The following HSD17B4 variants were observed in gnomAD, a reference collection of about 807,000 sequenced individuals.
HSD17B4 encodes hydroxysteroid 17-beta dehydrogenase 4, also known as peroxisomal multifunctional enzyme type 2.
Under a neutral mutation model 101.0 loss-of-function variants are expected in HSD17B4, and 70 were observed. That is an observed-to-expected ratio of 0.69 (90% CI 0.57 to 0.85). The LOEUF is 0.85. HSD17B4 is among the 40% of genes least tolerant of loss of function. HSD17B4 has a pLI of 0.00. For synonymous variants in HSD17B4, 347 were observed against 297.1 expected (o/e 1.17, Z -1.73); for missense variants, 984 against 892.4 (o/e 1.10, Z -1.31).
chr5:119,471,818 G>C, intron 2 of HSD17B4: 1 of 571,382 alleles, frequency 1.8e-6, no homozygotes, highest in Non-Finnish European at 3.0e-6. Context: ...AATTAACTTT[G>C]ATATTTGTTC....
intron 11 of HSD17B4, among the ~76,000 whole-genome samples, chr5:119,494,317 TTTC>T (rs199543690): frequency 1.4e-5 from 2 of 146,580 alleles, no homozygotes; most frequent in African/African-American, 5.0e-5. Context: ...TCTTCCTTTC[TTTC>T]TTTCTTTTCT....
In HSD17B4 at chr5:119,493,527, T is replaced by A. The variant is rs79701262; in HGVS notation, c.740-291T>A. 39,563 of 344,714 alleles carry A rather than the reference T, an allele frequency of 0.11. 2,624 individuals carry two copies. The highest frequency in any genetic ancestry group is 0.15 in the South Asian group (5,691 of 38,540). The allele number at this position is 344,714 out of a possible 1,614,324, so 21.4% of individuals were successfully genotyped here. A position where few individuals can be genotyped will look rare whatever the true frequency, so the allele number is the denominator to read the frequency against. On this transcript the variant is annotated intron_variant, in intron 10 of 23. Transcript: ENST00000510025. ...TGAAGTCAGTCTTTTGATGTGATTA[T>A]TATATAATTAAACTTTTTCACATAC...
chr5:119,461,363 A>C (rs1755218125), intron 2 of HSD17B4, among the ~76,000 whole-genome samples: 1 of 152,234 alleles, frequency 6.6e-6, no homozygotes, highest in Non-Finnish European at 1.5e-5. Context: ...AGTGCTCAAA[A>C]AAATGTAGAC....
intron 22 of HSD17B4, 161 bp from the exon 23 acceptor site, chr5:119,536,262 C>A: frequency 1.5e-6 from 1 of 685,842 alleles, no homozygotes; most frequent in Non-Finnish European, 2.5e-6. Flanking sequence ...TGCTTTTTTT[C>A]TAAATGACAG....
Position 119,536,452 on chromosome 5 carries a change from G to C in HSD17B4, c.2023G>C (p.Val675Leu), listed in dbSNP as rs1754544540. 6.2e-7 allele frequency: 1 copy of C among 1,612,318 alleles called. No individual in the cohort carries two copies. The highest frequency in any genetic ancestry group is 1.3e-5 in the African/African-American group (1 of 74,848). Residue 675 changes from valine (V) to leucine (L), a missense_variant, in exon 23 of 24, where the codon GTG (valine) becomes CTG (leucine). By Grantham distance (32) the Val-to-Leu change is conservative. Coordinates refer to ENST00000510025, the MANE Select transcript of HSD17B4 (RefSeq NM_000414.4). The part of the protein sequence containing the change: ...TIDLKSGSGK[V>L]YQGPAKGAAD... ...TGACCTGAAAAGTGGTTCTGGAAAA[G>C]TGTACCAAGGCCCTGCAAAAGGTGC...
At chr5:119,531,029 A>G (rs1455155050) in intron 21 of HSD17B4, among the ~76,000 whole-genome samples, 1 of 151,930 alleles carries the variant, frequency 6.6e-6, no homozygotes, top group Admixed American at 6.6e-5. Flanking sequence ...TCCAGTTCCT[A>G]TTTTTCTTTT....
chr5:119,457,211 G>C (rs1347858103), intron 2 of HSD17B4, among the ~76,000 whole-genome samples: 3 of 152,206 alleles, frequency 2.0e-5, no homozygotes, highest in African/African-American at 4.8e-5. Context: ...GCTAAGTGCA[G>C]GGGGATATGT....
rs114154407 is a variant in HSD17B4, at chr5:119,460,219, A to G, written c.112+3851A>G. On this transcript the variant is annotated intron_variant, in intron 2 of 23. Coordinates refer to ENST00000510025, the MANE Select transcript of HSD17B4 (RefSeq NM_000414.4). ...CTGTCACATCAGGGATTAAATTTCA[A>G]TGTGAGTTTTGGAGGGGCTAAATAT... Among the ~76,000 whole-genome samples the G allele has an allele frequency of 3.6e-3, 541 of 152,274 alleles. 3 individuals are homozygous for G. The highest frequency in any genetic ancestry group is 0.012 in the African/African-American group (498 of 41,552).
intron 2 of HSD17B4, among the ~76,000 whole-genome samples, chr5:119,460,037 A>AT (rs56336192): frequency 0.014 from 2,096 of 147,000 alleles, 18 homozygotes; most frequent in African/African-American, 0.026. Flanking sequence ...TGCCCAGCTA[A>AT]TTTTTTTTTT....
intron 8 of HSD17B4, among the ~76,000 whole-genome samples, chr5:119,483,567 C>T (rs1749339929): frequency 6.6e-6 from 1 of 152,052 alleles, no homozygotes; most frequent in Non-Finnish European, 1.5e-5. Flanking sequence ...TTACCTTATT[C>T]ATGTTCCATA....
chr5:119,478,034 A>T (rs1239453576), intron 7 of HSD17B4: 1 of 164,926 alleles, frequency 6.1e-6, no homozygotes, highest in Admixed American at 5.7e-5. Context: ...GATAGTATAC[A>T]CATTGAGGAT....
chr5:119,476,940 G>C (rs951913992), intron 6 of HSD17B4, among the ~76,000 whole-genome samples: 1 of 152,112 alleles, frequency 6.6e-6, no homozygotes, highest in Non-Finnish European at 1.5e-5. Context: ...TGGTCTGTTC[G>C]TTAGATTGAA....
At chr5:119,540,741 T>C (rs1373566408) in intron 23 of HSD17B4, among the ~76,000 whole-genome samples, 1 of 152,204 alleles carries the variant, frequency 6.6e-6, no homozygotes, top group Non-Finnish European at 1.5e-5. Flanking sequence ...AGGGTTTGCT[T>C]CTGAGACTAA....
intron 9 of HSD17B4, 125 bp from the exon 10 acceptor site, chr5:119,491,975 T>C (rs1750149061): frequency 6.2e-6 from 5 of 803,344 alleles, no homozygotes; most frequent in Non-Finnish European, 1.1e-5. Flanking sequence ...AGCTGTATTA[T>C]TTTCATCTCC....
chr5:119,471,764 T>G, intron 2 of HSD17B4: 1 of 807,276 alleles, frequency 1.2e-6, no homozygotes, highest in Admixed American at 2.9e-5. Context: ...TTTTTATTAG[T>G]TTTTGCATGT....
intron 20 of HSD17B4, 61 bp from the exon 21 acceptor site, chr5:119,529,833 C>A: frequency 1.0e-6 from 1 of 956,002 alleles, no homozygotes; most frequent in Non-Finnish European, 1.7e-6. Flanking sequence ...TACTGTTTCA[C>A]AGTGAAATTA....
At chr5:119,506,915 A>C (rs1751703322) in intron 15 of HSD17B4, 26 bp downstream of exon 15, 1 of 1,196,752 alleles carries the variant, frequency 8.4e-7, no homozygotes, top group African/African-American at 1.5e-5. Context: ...TTCTTATAAT[A>C]ATATTGTTAG....
At chr5:119,484,590 T>C (rs1422120895) in intron 8 of HSD17B4, among the ~76,000 whole-genome samples, 1 of 152,208 alleles carries the variant, frequency 6.6e-6, no homozygotes, top group Non-Finnish European at 1.5e-5. Flanking sequence ...AAAGAAAATC[T>C]ACATAATACT....
At chr5:119,489,385 G>A (rs1749896554) in intron 9 of HSD17B4, 102 bp downstream of exon 9, 1 of 785,044 alleles carries the variant, frequency 1.3e-6, no homozygotes, top group Non-Finnish European at 2.3e-6. Flanking sequence ...TAAATATTGT[G>A]TCTATGTTAT....
Sources: gnomAD v4.1 joint callset for allele counts (sites outside exome capture counted in the v4.1 genomes callset) on GRCh38, gnomAD v4.1.1 for gene constraint, MANE v1.5 for transcripts, NCBI Gene and HGNC (gene_info 2026-07-23, HGNC 2026-07-21) for gene names.